NBAS: variants seen among roughly 807,000 people sequenced by gnomAD.
NBAS encodes NBAS subunit of NRZ tethering complex.
In NBAS, 219 loss-of-function variants were observed where a neutral mutation model predicts 302.5. The ratio of observed to expected loss-of-function variants is 0.72; its 90% CI spans 0.65 to 0.81. NBAS has a LOEUF of 0.81. NBAS is among the 30% of genes least tolerant of loss of function. The pLI, the probability that NBAS is intolerant of heterozygous loss-of-function variation, is 0.00. For missense variants in NBAS, 2,932 were observed against 2,841.6 expected, an observed-to-expected ratio of 1.03 and a Z score of -0.72; for synonymous variants, 1,118 against 1,021.6, an observed-to-expected ratio of 1.09 and a Z score of -1.80.
intron 44 of NBAS, among the ~76,000 whole-genome samples, chr2:15,252,269 C>A (rs967045745): frequency 6.6e-6 from 1 of 152,098 alleles, no homozygotes; most frequent in South Asian, 2.1e-4. Context: ...GAGGCCGAGG[C>A]GGTTGGATCA....
the NBAS span, among the ~76,000 whole-genome samples, chr2:15,129,456 C>A: frequency 5.3e-5 from 8 of 152,156 alleles, no homozygotes; most frequent in Non-Finnish European, 1.0e-4. Context: ...GTCTTCTCCT[C>A]GATGCCCCGC....
At chr2:15,044,643 T>G in the NBAS span, among the ~76,000 whole-genome samples, 1 of 152,220 alleles carries the variant, frequency 6.6e-6, no homozygotes, top group African/African-American at 2.4e-5. Context: ...GTCACTTAGA[T>G]AAGACTCTGT....
chr2:15,464,509 T>C (rs571429992), intron 19 of NBAS, among the ~76,000 whole-genome samples: 105 of 152,234 alleles, frequency 6.9e-4, no homozygotes, highest in African/African-American at 2.4e-3. Context: ...TCTATAATCA[T>C]GCAAGTATCC....
rs148423069 is a variant in NBAS, at chr2:15,539,843, A to AATAT, written c.380-491_380-488dup. Among the ~76,000 whole-genome samples the AATAT allele has an allele frequency of 3.1e-3, 463 of 149,794 alleles. 1 individual carries two copies. The highest frequency in any genetic ancestry group is 0.011 in the African/African-American group (427 of 40,392). On this transcript the variant is annotated intron_variant, in intron 6 of 51. Transcript: ENST00000281513. Reference sequence around the variant, plus strand: ...CTAACATTGTATTAGAAAGGGGGGAAATATATATATATATACACACACACA... The same window carrying AATAT: ...CTAACATTGTATTAGAAAGGGGGGAAATATATATATATATATATACACACACACA...
chr2:15,499,479 T>C (rs1281680638), intron 11 of NBAS, among the ~76,000 whole-genome samples: 1 of 152,180 alleles, frequency 6.6e-6, no homozygotes, highest in Non-Finnish European at 1.5e-5. Context: ...CTGGAGGCCA[T>C]TATCCTTAGA....
the NBAS span, among the ~76,000 whole-genome samples, chr2:14,929,481 G>A: frequency 1.3e-3 from 205 of 152,284 alleles, no homozygotes; most frequent in African/African-American, 4.8e-3. Context: ...GGGTTCAAGC[G>A]ATTCTCCTGC....
intron 44 of NBAS, among the ~76,000 whole-genome samples, chr2:15,273,080 A>T (rs1393903702): frequency 1.3e-5 from 2 of 152,118 alleles, no homozygotes; most frequent in East Asian, 3.9e-4. Context: ...ACAGCCCCAG[A>T]TGATCATGCT....
At chr2:15,153,665 A>C in the NBAS span, among the ~76,000 whole-genome samples, 13 of 152,242 alleles carry the variant, frequency 8.5e-5, no homozygotes, top group Non-Finnish European at 1.6e-4. Context: ...AGGCTCTAAA[A>C]TCAGGCATCT....
chr2:14,865,809 G>A, the NBAS span, among the ~76,000 whole-genome samples: 2 of 130,544 alleles, frequency 1.5e-5, no homozygotes, highest in African/African-American at 7.6e-5. Context: ...ATCTGTTATT[G>A]TTATTATTAT....
the NBAS span, among the ~76,000 whole-genome samples, chr2:14,960,549 G>T: frequency 6.6e-6 from 1 of 152,106 alleles, no homozygotes; most frequent in African/African-American, 2.4e-5. Flanking sequence ...GAAATCTAAT[G>T]CCCAGAGTGT....
At chr2:15,558,709 T>A in intron 1 of NBAS, 75 bp from the exon 2 acceptor site, 4 of 1,131,374 alleles carry the variant, frequency 3.5e-6, no homozygotes, top group Non-Finnish European at 5.3e-6. Context: ...ATACAATATG[T>A]AAACTTATTT....
At chr2:14,799,475 T>C in the NBAS span, among the ~76,000 whole-genome samples, 24 of 152,258 alleles carry the variant, frequency 1.6e-4, no homozygotes, top group South Asian at 4.6e-3. Flanking sequence ...AATGGCCTAC[T>C]ATATGGTCGA....
the NBAS span, among the ~76,000 whole-genome samples, chr2:14,808,965 C>T: frequency 6.6e-6 from 1 of 152,152 alleles, no homozygotes; most frequent in Non-Finnish European, 1.5e-5. Flanking sequence ...AAACTGGTGG[C>T]ATTTTGCCCC....
the NBAS span, among the ~76,000 whole-genome samples, chr2:15,125,596 C>T: frequency 8.5e-5 from 13 of 152,242 alleles, no homozygotes; most frequent in South Asian, 2.1e-4. Context: ...ATCCTTGCTC[C>T]GGTGTTCCCT....
At chr2:15,470,526 A>C (rs4668911) in intron 16 of NBAS, among the ~76,000 whole-genome samples, 92,201 of 151,982 alleles carry the variant, frequency 0.61, 28,927 homozygotes, top group Non-Finnish European at 0.68. Context: ...CAGTGAATAA[A>C]ACAGATTTAG....
At chr2:14,924,222 C>T in the NBAS span, among the ~76,000 whole-genome samples, 40,994 of 152,146 alleles carry the variant, frequency 0.27, 5,597 homozygotes, top group African/African-American at 0.33. Context: ...GGGGTCTTCT[C>T]TGGAACTTTC....
chr2:15,193,194 TCATTC>T (rs1296160036), intron 48 of NBAS, among the ~76,000 whole-genome samples: 11 of 152,302 alleles, frequency 7.2e-5, no homozygotes, highest in Middle Eastern at 3.4e-3. Context: ...TGTCCACTAA[TCATTC>T]CAATTTTTAG....
At chr2:15,421,844 T>C (rs1402101634) in intron 23 of NBAS, among the ~76,000 whole-genome samples, 3 of 152,166 alleles carry the variant, frequency 2.0e-5, no homozygotes, top group African/African-American at 7.2e-5. Context: ...TTAGAGCAGT[T>C]TCAGCTTTGC....
the NBAS span, among the ~76,000 whole-genome samples, chr2:14,971,282 T>C: frequency 1.2e-4 from 18 of 152,074 alleles, no homozygotes; most frequent in Non-Finnish European, 2.1e-4. Flanking sequence ...TTTGGGAGGC[T>C]GAGGCGGGTG....
Sources: allele counts gnomAD v4.1 joint callset (sites outside exome capture counted in the v4.1 genomes callset), GRCh38; gene constraint gnomAD v4.1.1; transcripts MANE v1.5; gene names NCBI Gene and HGNC (gene_info 2026-07-23, HGNC 2026-07-21).